Variants in IWS1 observed in about 807,000 individuals in gnomAD.
IWS1 encodes the protein protein IWS1 homolog.
In IWS1, 27 loss-of-function variants were observed where a neutral mutation model predicts 86.7. That is an observed-to-expected ratio of 0.31 (90% CI 0.23 to 0.43). The LOEUF (loss-of-function observed/expected upper bound fraction) is 0.43, where lower values mean the gene tolerates loss of function less well. IWS1 is among the 20% of genes least tolerant of loss of function. The probability of loss-of-function intolerance (pLI) is 1.00; values close to 1 mark genes in which losing one functional copy is unlikely to be tolerated. For synonymous variants in IWS1, 313 were observed against 335.1 expected (o/e 0.93, Z 0.72); for missense variants, 827 against 1,000.8 (o/e 0.83, Z 2.34).
intron 1 of IWS1, 113 bp from the exon 2 acceptor site, chr2:127,523,904 G>A: frequency 1.4e-6 from 1 of 691,188 alleles, no homozygotes; most frequent in Non-Finnish European, 2.5e-6. Flanking sequence ...CACTGAGGAA[G>A]CATTAACTAA....
chr2:127,519,776 C>T (rs2104740587), intron 2 of IWS1, among the ~76,000 whole-genome samples: 1 of 151,912 alleles, frequency 6.6e-6, no homozygotes, highest in East Asian at 1.9e-4. Flanking sequence ...CCAGGTAGGC[C>T]CAATTATAAT....
chr2:127,488,925 T>C (rs1404109686), intron 12 of IWS1, among the ~76,000 whole-genome samples: 1 of 152,232 alleles, frequency 6.6e-6, no homozygotes, highest in Non-Finnish European at 1.5e-5. Flanking sequence ...AATTTGTTTT[T>C]ATATTCTCAG....
At chr2:127,498,076 G>T in intron 6 of IWS1, 64 bp downstream of exon 6, 1 of 1,276,970 alleles carries the variant, frequency 7.8e-7, no homozygotes, top group Admixed American at 1.9e-5. Context: ...ACAAAAGAGA[G>T]TTTAATAGTC....
chr2:127,522,420 A>T (rs1324009521), intron 2 of IWS1, among the ~76,000 whole-genome samples: 2 of 151,730 alleles, frequency 1.3e-5, no homozygotes, highest in African/African-American at 2.4e-5. Flanking sequence ...CTACACAATT[A>T]AAAAAAAATG....
chr2:127,509,383 A>G (rs902996234), intron 2 of IWS1, among the ~76,000 whole-genome samples: 1 of 152,198 alleles, frequency 6.6e-6, no homozygotes, highest in Non-Finnish European at 1.5e-5. Flanking sequence ...AAAGAAATTG[A>G]GCACTCAGAA....
chr2:127,486,786 C>T, intron 12 of IWS1, 122 bp from the exon 13 acceptor site: 1 of 743,376 alleles, frequency 1.3e-6, no homozygotes, highest in South Asian at 1.6e-5. Flanking sequence ...AACTCCTCTA[C>T]TCCCCACCAA....
chr2:127,483,570 T>TGGGGGGGGGGGGGGGGG, intron 13 of IWS1, among the ~76,000 whole-genome samples: 1 of 1,878 alleles, frequency 5.3e-4, no homozygotes, highest in South Asian at 0.019. Context: ...TATAATTTGG[T>TGGGGGGGGGGGGGGGGG]CGGGGCGGGG....
At chr2:127,481,457 G>A (rs1352209975) in intron 13 of IWS1, among the ~76,000 whole-genome samples, 1 of 152,038 alleles carries the variant, frequency 6.6e-6, no homozygotes, top group African/African-American at 2.4e-5. Context: ...GGGGGAAACT[G>A]AGACTATGAT....
At chr2:127,517,921 G>C (rs1691864173) in intron 2 of IWS1, among the ~76,000 whole-genome samples, 1 of 152,138 alleles carries the variant, frequency 6.6e-6, no homozygotes, top group Non-Finnish European at 1.5e-5. Flanking sequence ...CTACAACATG[G>C]CTACACCCTG....
rs201729206 is a variant in IWS1, at chr2:127,494,976, AT to A, written c.1717-23del. ...CTTCCTATTCAGAAAAAAAATAAAG[AT>A]TTTTTTTTAAAACAGTACTTTTTAT... On this transcript the variant is annotated intron_variant, in intron 7 of 13. Coordinates refer to ENST00000295321, the MANE Select transcript of IWS1 (RefSeq NM_017969.3). 5.0e-4 allele frequency: 733 copies of A among 1,458,350 alleles called. 1 individual carries two copies. The highest frequency in any genetic ancestry group is 1.2e-3 in the Admixed American group (58 of 50,370). The allele number at this position is 1,458,350 out of a possible 1,614,324, so 90.3% of individuals were successfully genotyped here. A position where few individuals can be genotyped will look rare whatever the true frequency, so the allele number is the denominator to read the frequency against.
intron 13 of IWS1, among the ~76,000 whole-genome samples, chr2:127,483,591 T>TG (rs1187157658): frequency 1.0e-3 from 18 of 17,516 alleles, no homozygotes; most frequent in Admixed American, 1.5e-3. Context: ...GGTGGTGGGG[T>TG]GGGGGGGTTG....
chr2:127,484,652 G>A (rs1286496334), intron 13 of IWS1: 1 of 152,172 alleles, frequency 6.6e-6, no homozygotes, highest in Non-Finnish European at 1.5e-5. Context: ...CCATATTGTA[G>A]TTCCCAATTC....
chr2:127,526,310 C>T lies in IWS1; in HGVS notation c.-102G>A. 3 of 1,541,416 alleles carry T rather than the reference C, an allele frequency of 1.9e-6. No homozygotes were observed. The highest frequency in any genetic ancestry group is 2.6e-6 in the Non-Finnish European group (3 of 1,146,860). The stretch of plus-strand genomic sequence containing the variant: ...GATGGCGCGGCTAAGTGTTCAGAGA[C>T]TGCCGCCCGACCGGAGAACTTAACG... On this transcript the variant is annotated 5_prime_UTR_variant, in exon 1 of 14. Coordinates refer to ENST00000295321, the MANE Select transcript of IWS1 (RefSeq NM_017969.3).
intron 13 of IWS1, among the ~76,000 whole-genome samples, chr2:127,481,444 G>C (rs777559): frequency 2.6e-5 from 4 of 151,558 alleles, no homozygotes; most frequent in South Asian, 4.2e-4. Context: ...TGGGAGAAAG[G>C]GGGGGGGAAA....
Position 127,489,283 on chromosome 2 carries a change from A to T in IWS1, c.2160-48T>A. 7.2e-7 allele frequency: 1 copy of T among 1,391,426 alleles called. No individual in the cohort carries two copies. Among genetic ancestry groups the T allele is most frequent in the Admixed American group, 1.9e-5 (1 of 52,944 alleles). 86.2% of individuals were successfully genotyped at this position (1,391,426 alleles called of 1,614,324 possible). On this transcript the variant is annotated intron_variant, in intron 11 of 13. Transcript: ENST00000295321. This position sits in a 1 kb window ranked among gnomAD's most constrained non-coding sequence, Gnocchi z 4.8. ...GATACCAGGAATATTAGAACCTAAT[A>T]ACTCAGAAAAAGAGCAAACTAAAAA...
intron 6 of IWS1, 142 bp from the exon 7 acceptor site, chr2:127,496,290 C>A: frequency 1.1e-6 from 1 of 879,070 alleles, no homozygotes; most frequent in South Asian, 1.8e-5. Context: ...TACAGTCATG[C>A]GCCGCATAAC....
At chr2:127,487,830 G>A (rs1046839210) in intron 12 of IWS1, among the ~76,000 whole-genome samples, 8 of 152,156 alleles carry the variant, frequency 5.3e-5, no homozygotes, top group South Asian at 2.1e-4. Flanking sequence ...GATTACAGGC[G>A]TGAGCCACCG....
rs182616122 is a variant in IWS1, at chr2:127,483,403, G to A, written c.2329-2228C>T. Among the ~76,000 whole-genome samples the A allele has an allele frequency of 5.2e-3, 783 of 151,820 alleles. 3 individuals are homozygous for A. Among genetic ancestry groups the A allele is most frequent in the Non-Finnish European group, 7.8e-3 (532 of 67,914 alleles). ...GCTGGGAGGTCAAGGCCAGAGGATC[G>A]CTTGAGACCAGCCTGAGCAAGATGG... On this transcript the variant is annotated intron_variant, in intron 13 of 13. Transcript: ENST00000295321.
intron 6 of IWS1, among the ~76,000 whole-genome samples, chr2:127,497,381 T>A (rs569821158): frequency 6.6e-6 from 1 of 152,246 alleles, no homozygotes; most frequent in Non-Finnish European, 1.5e-5. Context: ...TGTGGTCTTA[T>A]ATAGCATGAG....
Sources: allele counts gnomAD v4.1 joint callset (sites outside exome capture counted in the v4.1 genomes callset), GRCh38; gene constraint gnomAD v4.1.1; non-coding constraint Gnocchi (gnomAD v3.1); transcripts MANE v1.5; gene names NCBI Gene and HGNC (gene_info 2026-07-23, HGNC 2026-07-21).